Variants in RIMS1 observed in about 807,000 individuals in gnomAD.
RIMS1 encodes the protein regulating synaptic membrane exocytosis protein 1.
Under a neutral mutation model 214.1 loss-of-function variants are expected in RIMS1, and 83 were observed. That is an observed-to-expected ratio of 0.39 (90% CI 0.32 to 0.47). The LOEUF (loss-of-function observed/expected upper bound fraction) is 0.47. RIMS1 is among the 20% of genes least tolerant of loss of function. The pLI is 0.99. For missense variants in RIMS1, 2,050 were observed against 2,161.8 expected, an observed-to-expected ratio of 0.95 and a Z score of 1.03; for synonymous variants, 793 against 786.8, an observed-to-expected ratio of 1.01 and a Z score of -0.13.
intron 2 of RIMS1, among the ~76,000 whole-genome samples, chr6:72,088,217 CTTTATTTATTTATTTATTTA>C (rs3079733): frequency 3.6e-4 from 52 of 142,828 alleles, no homozygotes; most frequent in African/African-American, 1.1e-3. Flanking sequence ...TATTTATTTA[CTTTATTTATTTATTTATTTA>C]TTTATTTATT....
chr6:72,070,933 T>G (rs1048332753), intron 2 of RIMS1, among the ~76,000 whole-genome samples: 13 of 152,204 alleles, frequency 8.5e-5, no homozygotes, highest in Non-Finnish European at 1.3e-4. Context: ...TTCTACATTT[T>G]TAAATGGTTG....
chr6:72,178,206 A>G (rs1469127739), intron 4 of RIMS1, among the ~76,000 whole-genome samples: 1 of 152,154 alleles, frequency 6.6e-6, no homozygotes, highest in Non-Finnish European at 1.5e-5. Flanking sequence ...TTCCTATATT[A>G]TAATTCATTT....
intron 1 of RIMS1, among the ~76,000 whole-genome samples, chr6:71,936,722 A>G (rs12190738): frequency 0.19 from 29,094 of 152,232 alleles, 3,540 homozygotes; most frequent in East Asian, 0.38. Flanking sequence ...TTTGGGGAAT[A>G]AAATGCCTTC....
At chr6:71,977,288 A>G (rs1797400744) in intron 2 of RIMS1, among the ~76,000 whole-genome samples, 1 of 152,150 alleles carries the variant, frequency 6.6e-6, no homozygotes, top group Non-Finnish European at 1.5e-5. Flanking sequence ...GGCTGAGAAG[A>G]TAGCGTTAAA....
chr6:72,186,447 T>C (rs1003160218), intron 6 of RIMS1, among the ~76,000 whole-genome samples: 21 of 152,248 alleles, frequency 1.4e-4, no homozygotes, highest in African/African-American at 5.1e-4. Context: ...AGAATGATTA[T>C]CACAAAAAGT....
chr6:72,192,315 G>T (rs2050200562), intron 6 of RIMS1, among the ~76,000 whole-genome samples: 1 of 152,176 alleles, frequency 6.6e-6, no homozygotes, highest in Admixed American at 6.5e-5. Flanking sequence ...CCTTCCTCCA[G>T]TGCACAGTTA....
intron 29 of RIMS1, among the ~76,000 whole-genome samples, chr6:72,372,855 C>T (rs1003687588): frequency 2.6e-5 from 4 of 152,172 alleles, no homozygotes; most frequent in African/African-American, 9.7e-5. Flanking sequence ...GGAGGTTGGA[C>T]TTGGCCTGTT....
chr6:71,962,346 G>T (rs535976044), intron 1 of RIMS1, among the ~76,000 whole-genome samples: 2 of 152,096 alleles, frequency 1.3e-5, no homozygotes, highest in East Asian at 3.9e-4. Flanking sequence ...GCCTCTTCAG[G>T]GGAAGGTCAA....
Position 72,242,131 on chromosome 6 carries a change from GA to G in RIMS1, c.1958-178del, listed in dbSNP as rs537761150. Among the ~76,000 whole-genome samples, 10 of 152,008 alleles carry G rather than the reference GA, an allele frequency of 6.6e-5. No homozygotes were observed. The South Asian group carries it at 2.1e-3, about 32-fold the overall frequency. ...GGAAAAAAAGAAAAACAAAAGAAAA[GA>G]AAAAGTGTTTAGAAGAACCATTTAG... is the stretch of plus-strand genomic sequence containing the variant. On this transcript the variant is annotated intron_variant, in intron 9 of 33. Coordinates refer to ENST00000521978, the MANE Select transcript of RIMS1 (RefSeq NM_014989.7).
chr6:72,144,589 C>T (rs992478894), intron 4 of RIMS1, among the ~76,000 whole-genome samples: 1 of 151,736 alleles, frequency 6.6e-6, no homozygotes. Context: ...CATGGGGCTT[C>T]GCTTTGGTTA....
At chr6:72,128,375 T>C (rs1275920290) in intron 4 of RIMS1, among the ~76,000 whole-genome samples, 4 of 151,872 alleles carry the variant, frequency 2.6e-5, no homozygotes, top group African/African-American at 4.8e-5. Flanking sequence ...TCCACTTCCT[T>C]CCCCTCCCCT....
intron 29 of RIMS1, among the ~76,000 whole-genome samples, chr6:72,372,836 A>G (rs762766360): frequency 2.0e-5 from 3 of 152,224 alleles, no homozygotes; most frequent in Non-Finnish European, 4.4e-5. Flanking sequence ...GGGAGATGCT[A>G]AAGTCACTGG....
intron 1 of RIMS1, among the ~76,000 whole-genome samples, chr6:71,905,206 G>A (rs1774904774): frequency 6.6e-6 from 1 of 151,910 alleles, no homozygotes; most frequent in South Asian, 2.1e-4. Context: ...AAATAGAGCG[G>A]TACATTTTAG....
intron 28 of RIMS1, among the ~76,000 whole-genome samples, chr6:72,317,683 A>T (rs2095878116): frequency 6.6e-6 from 1 of 152,196 alleles, no homozygotes. Context: ...GATAAAATTC[A>T]AAAGTAATCC....
intron 7 of RIMS1, 102 bp from the exon 8 acceptor site, chr6:72,235,516 T>C (rs1216691330): frequency 2.7e-6 from 2 of 729,734 alleles, no homozygotes; most frequent in African/African-American, 3.5e-5. Context: ...TGTTCTGCAG[T>C]TCTATCCATG....
At chr6:72,027,173 CTGGCATTCTTCTGGTTTAT>C (rs1469287425) in intron 2 of RIMS1, among the ~76,000 whole-genome samples, 1 of 152,126 alleles carries the variant, frequency 6.6e-6, no homozygotes. Flanking sequence ...TAAGACCAAA[CTGGCATTCTTCTGGTTTAT>C]TGGCTGCTAC....
intron 4 of RIMS1, among the ~76,000 whole-genome samples, chr6:72,101,813 C>G (rs993746742): frequency 6.6e-6 from 1 of 151,810 alleles, no homozygotes; most frequent in African/African-American, 2.4e-5. Flanking sequence ...TCCATATCAG[C>G]AATATTTTAT....
At chr6:72,302,147 C>T (rs931920304) in intron 26 of RIMS1, among the ~76,000 whole-genome samples, 2 of 151,604 alleles carry the variant, frequency 1.3e-5, no homozygotes, top group East Asian at 3.9e-4. Context: ...ATCAAAGGAA[C>T]ATTGAGGAAC....
chr6:72,038,550 C>A (rs776190556), intron 2 of RIMS1, among the ~76,000 whole-genome samples: 1 of 151,976 alleles, frequency 6.6e-6, no homozygotes, highest in Non-Finnish European at 1.5e-5. Context: ...CATTTATAAG[C>A]TCATATTGAA....
Sources: gnomAD v4.1 joint callset for allele counts (sites outside exome capture counted in the v4.1 genomes callset) on GRCh38, gnomAD v4.1.1 for gene constraint, MANE v1.5 for transcripts, NCBI Gene and HGNC (gene_info 2026-07-23, HGNC 2026-07-21) for gene names.